Variants in NCOA1 observed in about 807,000 individuals in gnomAD.
NCOA1 encodes Hin-2 protein.
In NCOA1, 35 loss-of-function variants were observed where a neutral mutation model predicts 150.9. The ratio of observed to expected loss-of-function variants is 0.23; its 90% CI spans 0.18 to 0.31. The LOEUF is 0.31. Among genes scored for constraint, NCOA1 ranks in the 10% least tolerant of loss-of-function variants. NCOA1 has a pLI of 1.00. For synonymous variants in NCOA1, 590 were observed against 630.0 expected, an observed-to-expected ratio of 0.94 and a Z score of 0.95; for missense variants, 1,491 against 1,749.3, an observed-to-expected ratio of 0.85 and a Z score of 2.63.
At chr2:24,544,338 A>G (rs1266940132) in intron 1 of NCOA1, among the ~76,000 whole-genome samples, 1 of 152,186 alleles carries the variant, frequency 6.6e-6, no homozygotes, top group Non-Finnish European at 1.5e-5. Flanking sequence ...TGATTTGGAA[A>G]GTATCAGCAT....
chr2:24,719,562 A>G (rs1244870481), intron 14 of NCOA1, among the ~76,000 whole-genome samples: 1 of 152,218 alleles, frequency 6.6e-6, no homozygotes, highest in Non-Finnish European at 1.5e-5. Context: ...TTCAGATATA[A>G]AAGACCTCAG....
intron 4 of NCOA1, among the ~76,000 whole-genome samples, chr2:24,648,462 G>A (rs765647062): frequency 1.3e-5 from 2 of 151,986 alleles, no homozygotes; most frequent in African/African-American, 2.4e-5. Flanking sequence ...TAGTAGAGAC[G>A]GAGTTTCACC....
chr2:24,691,235 G>T (rs577226637), intron 8 of NCOA1, among the ~76,000 whole-genome samples: 3 of 152,262 alleles, frequency 2.0e-5, no homozygotes, highest in African/African-American at 7.2e-5. Flanking sequence ...TTTGATTATA[G>T]TATTTGAGGG....
intron 14 of NCOA1, among the ~76,000 whole-genome samples, chr2:24,721,306 AACTC>A (rs1317303881): frequency 1.3e-5 from 2 of 152,172 alleles, no homozygotes; most frequent in Admixed American, 6.5e-5. Context: ...TTTCTATACT[AACTC>A]TTTTTTCTTC....
chr2:24,686,082 A>C (rs1035832821), intron 8 of NCOA1, among the ~76,000 whole-genome samples: 20 of 152,064 alleles, frequency 1.3e-4, no homozygotes, highest in African/African-American at 4.8e-4. Context: ...GCTCACTGCA[A>C]CCTCCGCCTC....
At position 24,571,093 on chromosome 2, in the gene NCOA1, C is replaced by T. The variant is rs552726896; in HGVS notation, c.-260+6663C>T. ...GATACATAATGAAATATTGATGTAA[C>T]GAAAGATATGCCTGGGCTCCTGCTT... On this transcript the variant is annotated intron_variant, in intron 2 of 22. Transcript: ENST00000348332. Among the ~76,000 whole-genome samples, 8 of 151,950 alleles carry T rather than the reference C, an allele frequency of 5.3e-5. No individual in the cohort carries two copies. In the East Asian group the frequency reaches 7.7e-4, roughly 15 times the overall value.
intron 1 of NCOA1, among the ~76,000 whole-genome samples, chr2:24,555,809 C>T (rs1298654071): frequency 6.6e-6 from 1 of 152,068 alleles, no homozygotes; most frequent in African/African-American, 2.4e-5. Flanking sequence ...CTTAACTTTT[C>T]TCTTCGTATT....
intron 1 of NCOA1, among the ~76,000 whole-genome samples, chr2:24,500,782 A>G (rs1312083363): frequency 1.3e-5 from 2 of 152,210 alleles, no homozygotes; most frequent in Non-Finnish European, 2.9e-5. Flanking sequence ...AAACACACTT[A>G]ATCTGCCCCT....
Position 24,736,615 on chromosome 2 carries a change from A to G in NCOA1, c.3202-2817A>G, listed in dbSNP as rs779897488. 1.4e-4 allele frequency among the ~76,000 whole-genome samples: 21 copies of G among 152,376 alleles called. 1 individual carries two copies. The highest frequency in any genetic ancestry group is 3.6e-4 in the African/African-American group (15 of 41,590). The stretch of plus-strand genomic sequence containing the variant: ...GCAATGAAAAATGCCCAATAGGACA[A>G]TAAGTTTCTTTAAAGAATACTTTTG... On this transcript the variant is annotated intron_variant, in intron 17 of 22. Transcript: ENST00000348332.
Position 24,707,885 on chromosome 2 carries a change from C to A in NCOA1, c.2415C>A (p.Ser805Arg). Residue 805 changes from serine (S) to arginine (R), a missense_variant, in exon 13 of 23, where the codon AGC becomes AGA. By Grantham distance (110) the Ser-to-Arg change is moderately radical. Transcript: ENST00000348332. ...AGGAAATAAAACTGGAGGCCCAGAG[C>A]CAGGTGGGTAACTGCTTGCTTCACA... ...TPEEIKLEAQ[S>R]QFTADLDQFD... 2 of 1,581,870 alleles carry A rather than the reference C, an allele frequency of 1.3e-6. No homozygotes were observed. The highest frequency in any genetic ancestry group is 1.7e-6 in the Non-Finnish European group (2 of 1,169,694).
intron 3 of NCOA1, among the ~76,000 whole-genome samples, chr2:24,633,408 G>A (rs1669794063): frequency 6.6e-6 from 1 of 151,948 alleles, no homozygotes; most frequent in Non-Finnish European, 1.5e-5. Context: ...GTGCAGGAGG[G>A]CCAGCTCTGT....
chr2:24,703,807 TC>T (rs1223292609), intron 11 of NCOA1, among the ~76,000 whole-genome samples: 2 of 152,210 alleles, frequency 1.3e-5, no homozygotes. Flanking sequence ...ATTTTAAGCC[TC>T]TTTCTCATGG....
Position 24,673,385 on chromosome 2 carries a change from C to T in NCOA1, c.276C>T (p.Asp92=), listed in dbSNP as rs542918488. The change falls in exon 7 of 23, where the codon GAC becomes GAT. Residue 92 remains aspartate, a synonymous_variant. Transcript: ENST00000348332. ...RMEQEKSTTD[D]DVQKSDISSS... ...TTATAGAGAAATCAACAACTGATGACGATGTACAGAAATCAGACATCTCAT... is the reference window on the plus strand; with the variant it reads ...TTATAGAGAAATCAACAACTGATGATGATGTACAGAAATCAGACATCTCAT... 5.9e-5 allele frequency: 93 copies of T among 1,573,364 alleles called. 1 individual carries two copies. The South Asian group carries it at 8.1e-4, about 14-fold the overall frequency.
intron 3 of NCOA1, among the ~76,000 whole-genome samples, chr2:24,617,367 T>G (rs1316659528): frequency 3.9e-5 from 6 of 152,126 alleles, no homozygotes; most frequent in Admixed American, 2.0e-4. Context: ...TTCTGCTGGT[T>G]TTCCTTTTAC....
intron 2 of NCOA1, among the ~76,000 whole-genome samples, chr2:24,580,770 A>G (rs966015962): frequency 1.3e-5 from 2 of 152,100 alleles, no homozygotes; most frequent in Non-Finnish European, 2.9e-5. Context: ...TAACACCTCC[A>G]TCATCTTGGT....
intron 1 of NCOA1, among the ~76,000 whole-genome samples, chr2:24,497,735 C>A (rs1270241732): frequency 6.6e-6 from 1 of 151,730 alleles, no homozygotes; most frequent in Non-Finnish European, 1.5e-5. Context: ...AATGTTGATT[C>A]TTTGGTGCTT....
intron 17 of NCOA1, among the ~76,000 whole-genome samples, chr2:24,735,351 T>C (rs530568710): frequency 4.5e-4 from 69 of 152,280 alleles, no homozygotes; most frequent in African/African-American, 1.7e-3. Flanking sequence ...GTTCGCTTAT[T>C]GGTCATATCC....
rs142018995 is a variant in NCOA1, at chr2:24,707,186, A to T, written c.1716A>T (p.Arg572Ser). 2,258 of 1,614,232 alleles carry T rather than the reference A, an allele frequency of 1.4e-3. No homozygotes were observed. Among genetic ancestry groups the T allele is most frequent in the Admixed American group, 2.3e-3 (141 of 60,028 alleles). Reference protein sequence around the residue: ...RQMSSQNSPSRLNIQPAKAES... With the variant: ...RQMSSQNSPSSLNIQPAKAES... ...TGAGCTCACAGAATTCACCTAGCAG[A>T]TTAAATATACAACCAGCAAAAGCTG... Residue 572 changes from arginine (R) to serine (S), a missense_variant, in exon 13 of 23, where the codon AGA (arginine) becomes AGT (serine). By Grantham distance (110) the Arg-to-Ser change is moderately radical (BLOSUM62 -1). Transcript: ENST00000348332.
At chr2:24,502,997 G>T (rs917245187) in intron 1 of NCOA1, among the ~76,000 whole-genome samples, 1 of 152,194 alleles carries the variant, frequency 6.6e-6, no homozygotes, top group Non-Finnish European at 1.5e-5. Flanking sequence ...GAGAATGGCA[G>T]ATGGGGATTA....
Sources: allele counts gnomAD v4.1 joint callset (sites outside exome capture counted in the v4.1 genomes callset), GRCh38; gene constraint gnomAD v4.1.1; transcripts MANE v1.5; gene names NCBI Gene and HGNC (gene_info 2026-07-23, HGNC 2026-07-21).